The following AGBL1 variants were observed in gnomAD, a reference collection of about 807,000 sequenced individuals.
AGBL1 encodes cytosolic carboxypeptidase 4.
Under a neutral mutation model 118.9 loss-of-function variants are expected in AGBL1, and 130 were observed. The observed-to-expected ratio is 1.09, with a 90% CI of 0.95 to 1.26. The LOEUF (loss-of-function observed/expected upper bound fraction) is 1.26. Ranked by LOEUF, AGBL1 falls within the 50% of genes most tolerant of loss-of-function variation. The pLI, the probability that AGBL1 is intolerant of heterozygous loss-of-function variation, is 0.00. For missense variants in AGBL1, 1,584 were observed against 1,298.1 expected (o/e 1.22, Z -3.38); for synonymous variants, 555 against 478.9 (o/e 1.16, Z -2.08).
chr15:86,539,076 G>T (rs1228230212), intron 19 of AGBL1, among the ~76,000 whole-genome samples: 1 of 125,990 alleles, frequency 7.9e-6, no homozygotes, highest in African/African-American at 3.3e-5. Flanking sequence ...CTAGGAAGAT[G>T]CATAATCCAA....
intron 19 of AGBL1, among the ~76,000 whole-genome samples, chr15:86,541,782 G>C (rs2083501014): frequency 6.6e-6 from 1 of 152,000 alleles, no homozygotes; most frequent in African/African-American, 2.4e-5. Flanking sequence ...TAGAGACTGA[G>C]CCAATTTTTT....
intron 17 of AGBL1, chr15:86,299,677 T>C (rs1247402262): frequency 6.6e-6 from 1 of 152,140 alleles, no homozygotes; most frequent in East Asian, 1.9e-4. Flanking sequence ...CATAATTACA[T>C]TTAGCCTACT....
At chr15:86,900,972 A>T (rs973833168) in intron 22 of AGBL1, among the ~76,000 whole-genome samples, 1 of 152,162 alleles carries the variant, frequency 6.6e-6, no homozygotes, top group African/African-American at 2.4e-5. Flanking sequence ...TTCTTATTTT[A>T]CTTAGTGTAA....
At chr15:86,580,412 A>G (rs2084157261) in intron 21 of AGBL1, among the ~76,000 whole-genome samples, 2 of 152,198 alleles carry the variant, frequency 1.3e-5, no homozygotes, top group Non-Finnish European at 2.9e-5. Context: ...AGACAAGCCC[A>G]GGGTAAAACA....
At chr15:86,668,588 CTG>C (rs909258287) in intron 21 of AGBL1, among the ~76,000 whole-genome samples, 1 of 152,112 alleles carries the variant, frequency 6.6e-6, no homozygotes, top group Non-Finnish European at 1.5e-5. Flanking sequence ...TGTCTTTCCT[CTG>C]TGCATGTTTA....
intron 17 of AGBL1, among the ~76,000 whole-genome samples, chr15:86,323,752 T>C (rs1284974345): frequency 6.6e-6 from 1 of 152,230 alleles, no homozygotes; most frequent in Non-Finnish European, 1.5e-5. Flanking sequence ...CTCAACACTG[T>C]CAGTGTGACT....
intron 17 of AGBL1, among the ~76,000 whole-genome samples, chr15:86,358,666 T>TTTCTCCTTGCTAA: frequency 6.6e-6 from 1 of 152,146 alleles, no homozygotes; most frequent in Non-Finnish European, 1.5e-5. Context: ...AGGGGTCCCT[T>TTTCTCCTTGCTAA]TTCTCCACAT....
chr15:86,252,525 G>A (rs2078832675), intron 7 of AGBL1, among the ~76,000 whole-genome samples: 1 of 152,188 alleles, frequency 6.6e-6, no homozygotes, highest in Non-Finnish European at 1.5e-5. Context: ...AATCCTATAT[G>A]GGAAAATAGG....
intron 22 of AGBL1, among the ~76,000 whole-genome samples, chr15:86,676,471 G>A (rs895890578): frequency 5.9e-5 from 9 of 152,062 alleles, no homozygotes; most frequent in African/African-American, 1.9e-4. Context: ...AAAATCTACT[G>A]GTTTGAAACC....
At chr15:86,110,923 T>C (rs563514772) in intron 1 of AGBL1, among the ~76,000 whole-genome samples, 27 of 152,282 alleles carry the variant, frequency 1.8e-4, no homozygotes, top group African/African-American at 6.5e-4. Context: ...TCCCGAGTTT[T>C]CCCAATACAG....
At chr15:86,893,600 C>G (rs1596601686) in intron 22 of AGBL1, among the ~76,000 whole-genome samples, 1 of 152,118 alleles carries the variant, frequency 6.6e-6, no homozygotes, top group Non-Finnish European at 1.5e-5. Context: ...TATAGGCTGG[C>G]TTGGAAGAAT....
intron 22 of AGBL1, among the ~76,000 whole-genome samples, chr15:86,709,495 C>T (rs1485976657): frequency 6.6e-6 from 1 of 152,132 alleles, no homozygotes; most frequent in African/African-American, 2.4e-5. Context: ...AACTGAATGG[C>T]ATTGGCTCGA....
intron 22 of AGBL1, among the ~76,000 whole-genome samples, chr15:86,795,843 C>T (rs987223027): frequency 1.3e-5 from 2 of 151,510 alleles, no homozygotes; most frequent in Non-Finnish European, 2.9e-5. Flanking sequence ...ACCCCAGCCC[C>T]GCAAAGTGCT....
intron 23 of AGBL1, among the ~76,000 whole-genome samples, chr15:86,952,867 G>T (rs978894889): frequency 6.6e-6 from 1 of 152,130 alleles, no homozygotes; most frequent in African/African-American, 2.4e-5. Context: ...TATAGTGAAA[G>T]GTAAGGGTCC....
intron 5 of AGBL1, among the ~76,000 whole-genome samples, chr15:86,212,806 T>A (rs947697913): frequency 6.6e-6 from 1 of 152,160 alleles, no homozygotes; most frequent in Non-Finnish European, 1.5e-5. Context: ...TATACCACCA[T>A]GCCTGGCTAA....
chr15:86,934,258 G>A (rs1353948711), intron 23 of AGBL1, among the ~76,000 whole-genome samples: 1 of 152,178 alleles, frequency 6.6e-6, no homozygotes, highest in Admixed American at 6.5e-5. Flanking sequence ...TGTTCCCAGT[G>A]GCAAAGTAGG....
chr15:86,678,630 A>G (rs568990831), intron 22 of AGBL1, among the ~76,000 whole-genome samples: 5 of 152,084 alleles, frequency 3.3e-5, no homozygotes, highest in Admixed American at 1.3e-4. Context: ...TTGACATTGA[A>G]TATTTTTGCT....
intron 22 of AGBL1, among the ~76,000 whole-genome samples, chr15:86,736,242 C>T (rs747695734): frequency 7.9e-5 from 12 of 151,794 alleles, no homozygotes; most frequent in Admixed American, 2.0e-4. Context: ...TAGCTGGGTG[C>T]GGTGGTGCAT....
At chr15:86,114,933 T>C (rs1018722830) in intron 1 of AGBL1, among the ~76,000 whole-genome samples, 1 of 152,172 alleles carries the variant, frequency 6.6e-6, no homozygotes, top group Non-Finnish European at 1.5e-5. Flanking sequence ...TTGACTCTTT[T>C]GTTAGAATGT....
Sources: gnomAD v4.1 joint callset for allele counts (sites outside exome capture counted in the v4.1 genomes callset) on GRCh38, gnomAD v4.1.1 for gene constraint, MANE v1.5 for transcripts, NCBI Gene and HGNC (gene_info 2026-07-23, HGNC 2026-07-21) for gene names.